Variants in ANKRD30BL observed in about 807,000 individuals in gnomAD.
The protein encoded by ANKRD30BL is ankyrin repeat domain 30B like.
A neutral mutation model predicts 18.4 loss-of-function variants in ANKRD30BL; 20 were observed. That is an observed-to-expected ratio of 1.09 (90% CI 0.77 to 1.58). The LOEUF is 1.58. Ranked by LOEUF, ANKRD30BL falls within the 40% of genes most tolerant of loss-of-function variation. ANKRD30BL has a pLI of 0.00. For synonymous variants in ANKRD30BL, 72 were observed against 100.9 expected, an observed-to-expected ratio of 0.71 and a Z score of 1.72; for missense variants, 224 against 268.6, an observed-to-expected ratio of 0.83 and a Z score of 1.16.
intron 1 of ANKRD30BL, among the ~76,000 whole-genome samples, chr2:132,233,208 C>A (rs1680068494): frequency 6.6e-6 from 1 of 151,992 alleles, no homozygotes; most frequent in African/African-American, 2.4e-5. Flanking sequence ...AAAGGAACAA[C>A]CAGTACCAGC....
At chr2:132,168,277 A>T (rs1309270323) in intron 1 of ANKRD30BL, among the ~76,000 whole-genome samples, 1 of 152,202 alleles carries the variant, frequency 6.6e-6, no homozygotes, top group Non-Finnish European at 1.5e-5. Context: ...TTATCCATTT[A>T]TATTGCTTCC....
intron 1 of ANKRD30BL, among the ~76,000 whole-genome samples, chr2:132,231,817 C>T (rs534610276): frequency 2.6e-4 from 39 of 152,360 alleles, no homozygotes; most frequent in African/African-American, 9.1e-4. Flanking sequence ...CCAGGAAGCT[C>T]GAACTGGGTG....
upstream of ANKRD30BL, among the ~76,000 whole-genome samples, chr2:132,164,612 A>T (rs1053647764): frequency 2.0e-5 from 3 of 151,978 alleles, no homozygotes; most frequent in African/African-American, 7.2e-5. Context: ...TAAGATGCTT[A>T]TGTCAGCACG....
At chr2:132,249,160 C>T (rs1680583540) in intron 1 of ANKRD30BL, among the ~76,000 whole-genome samples, 3 of 151,952 alleles carry the variant, frequency 2.0e-5, no homozygotes, top group Non-Finnish European at 4.4e-5. Context: ...TCAAAGTGTT[C>T]ACAAATATCC....
chr2:132,150,258 A>ATGAATAT (rs80006799), intron 5 of ANKRD30BL, among the ~76,000 whole-genome samples: 1 of 150,642 alleles, frequency 6.6e-6, no homozygotes, highest in Admixed American at 6.6e-5. Flanking sequence ...TATTTGTTAA[A>ATGAATAT]TTAACAAATA....
chr2:132,155,261 A>G (rs1347228310), intron 3 of ANKRD30BL: 1 of 152,248 alleles, frequency 6.6e-6, no homozygotes, highest in Non-Finnish European at 1.5e-5. Context: ...AATATTCATT[A>G]TTCAAGAAAT....
intron 1 of ANKRD30BL, among the ~76,000 whole-genome samples, chr2:132,200,501 C>T (rs1158980910): frequency 6.6e-6 from 1 of 152,164 alleles, no homozygotes; most frequent in Non-Finnish European, 1.5e-5. Context: ...ACACCAACAA[C>T]AAACAAACAG....
At chr2:132,174,091 T>G (rs532091938) in intron 1 of ANKRD30BL, among the ~76,000 whole-genome samples, 14 of 152,368 alleles carry the variant, frequency 9.2e-5, no homozygotes, top group South Asian at 6.2e-4. Flanking sequence ...GAGACTTCTC[T>G]AAAGGGGCCT....
intron 1 of ANKRD30BL, among the ~76,000 whole-genome samples, chr2:132,222,375 C>T (rs1448139558): frequency 5.3e-5 from 8 of 152,026 alleles, no homozygotes; most frequent in Admixed American, 3.3e-4. Context: ...ATGACAATGG[C>T]GGTTTTGTGG....
rs1385945311 is a variant in ANKRD30BL, at chr2:132,198,264, TTTCTTTTCTTTC to T, written n.442-41130_442-41119del. Among the ~76,000 whole-genome samples, 251 of 135,808 alleles carry T rather than the reference TTTCTTTTCTTTC, an allele frequency of 1.8e-3. 3 individuals are homozygous for T. Among genetic ancestry groups the T allele is most frequent in the Non-Finnish European group, 2.5e-3 (168 of 67,184 alleles). 89.1% of individuals were successfully genotyped at this position (135,808 alleles called of 152,430 possible). A position where few individuals can be genotyped will look rare whatever the true frequency, so the allele number is the denominator to read the frequency against. On this transcript the variant is annotated intron_variant and non_coding_transcript_variant, in intron 1 of 4. Coordinates refer to the ANKRD30BL transcript ENST00000470729. ...TTCATAATTTACTATACCTTCTTTC[TTTCTTTTCTTTC>T]TTTCTTTCTTTCTTTCTTTCTTTCT...
At chr2:132,198,118 A>G (rs1483613411) in intron 1 of ANKRD30BL, among the ~76,000 whole-genome samples, 1 of 151,912 alleles carries the variant, frequency 6.6e-6, no homozygotes. Context: ...GCATACACTG[A>G]GGGTGTCTTA....
intron 1 of ANKRD30BL, among the ~76,000 whole-genome samples, chr2:132,235,690 G>T (rs1365423245): frequency 1.3e-5 from 2 of 152,072 alleles, no homozygotes; most frequent in Admixed American, 6.6e-5. Context: ...AATAAAAGAG[G>T]ATACAAACGA....
chr2:132,151,626 C>A (rs72866783), intron 4 of ANKRD30BL, among the ~76,000 whole-genome samples: 5 of 144,272 alleles, frequency 3.5e-5, no homozygotes, highest in South Asian at 2.3e-4. Flanking sequence ...AAAAAAAAAA[C>A]AAAAAAAATG....
In ANKRD30BL at chr2:132,248,346, A is replaced by G. The variant is rs533750266; in HGVS notation, n.441+9183T>C. 1.3e-3 allele frequency among the ~76,000 whole-genome samples: 205 copies of G among 152,252 alleles called. 1 individual carries two copies. Among genetic ancestry groups the G allele is most frequent in the African/African-American group, 4.6e-3 (191 of 41,562 alleles). ...GATTCTACAAAAAGAGAGTTTCTAA[A>G]CTGCTCAATCGAAAGAAAGATTCAA... On this transcript the variant is annotated intron_variant and non_coding_transcript_variant, in intron 1 of 4. Coordinates refer to the ANKRD30BL transcript ENST00000470729.
At position 132,255,953 on chromosome 2, in the gene ANKRD30BL, G is replaced by C. The variant is rs1392806241; in HGVS notation, n.441+1576C>G. Among the ~76,000 whole-genome samples the C allele has an allele frequency of 2.0e-5, 3 of 152,210 alleles. No homozygotes were observed. In the East Asian group the frequency reaches 5.8e-4, roughly 29 times the overall value. On this transcript the variant is annotated intron_variant and non_coding_transcript_variant, in intron 1 of 4. Coordinates refer to the ANKRD30BL transcript ENST00000470729. ...CCCCGGCCGGGGACGGAGAGGGGCTGACTGGGTTGGTTTTGATCTGATAAA... is the reference window on the plus strand; with the variant it reads ...CCCCGGCCGGGGACGGAGAGGGGCTCACTGGGTTGGTTTTGATCTGATAAA...
intron 1 of ANKRD30BL, among the ~76,000 whole-genome samples, chr2:132,183,031 T>C (rs1041585660): frequency 1.3e-5 from 2 of 152,088 alleles, no homozygotes; most frequent in Non-Finnish European, 2.9e-5. Context: ...ATATCATAAA[T>C]GATTTCTAAG....
intron 5 of ANKRD30BL, 114 bp from the exon 6 acceptor site, chr2:132,148,342 T>C (rs1687664324): frequency 1.5e-6 from 1 of 651,142 alleles, no homozygotes; most frequent in East Asian, 3.1e-5. Flanking sequence ...TACCAAACTT[T>C]TGTTTTCTCC....
In ANKRD30BL at chr2:132,218,585, T is replaced by C. The variant is rs1679577489; in HGVS notation, n.441+38944A>G. ...ACACTCTTTTTGCAGAATCTCCAAGTGGACATTTGGAGCGCCTTGGGGCCT... is the reference window on the plus strand; with the variant it reads ...ACACTCTTTTTGCAGAATCTCCAAGCGGACATTTGGAGCGCCTTGGGGCCT... On this transcript the variant is annotated intron_variant and non_coding_transcript_variant, in intron 1 of 4. Transcript: ENST00000470729. Among the ~76,000 whole-genome samples, 5 of 152,272 alleles carry C rather than the reference T, an allele frequency of 3.3e-5. No homozygotes were observed. The South Asian group carries it at 6.2e-4, about 19-fold the overall frequency.
chr2:132,154,509 A>T (rs1330758400), intron 4 of ANKRD30BL, among the ~76,000 whole-genome samples, 153 bp downstream of exon 4: 1 of 152,130 alleles, frequency 6.6e-6, no homozygotes, highest in Non-Finnish European at 1.5e-5. Flanking sequence ...CAGTCCAAAT[A>T]ATTGCTTTTC....
Sources: gnomAD v4.1 joint callset for allele counts (sites outside exome capture counted in the v4.1 genomes callset) on GRCh38, gnomAD v4.1.1 for gene constraint, MANE v1.5 for transcripts, NCBI Gene and HGNC (gene_info 2026-07-23, HGNC 2026-07-21) for gene names.